TMEM8B: variants seen among roughly 807,000 people sequenced by gnomAD.
TMEM8B encodes transmembrane protein 8B.
In TMEM8B, 29 loss-of-function variants were observed where a neutral mutation model predicts 49.3. The ratio of observed to expected loss-of-function variants is 0.59; its 90% CI spans 0.44 to 0.80. TMEM8B has a LOEUF of 0.80. Ranked by LOEUF, TMEM8B falls within the 30% of genes least tolerant of loss-of-function variation. TMEM8B has a pLI of 0.00. For synonymous variants in TMEM8B, 264 were observed against 272.8 expected, an observed-to-expected ratio of 0.97 and a Z score of 0.32; for missense variants, 575 against 658.5, an observed-to-expected ratio of 0.87 and a Z score of 1.39.
intron 6 of TMEM8B, among the ~76,000 whole-genome samples, chr9:35,844,901 T>C (rs926454295): frequency 6.6e-6 from 1 of 152,172 alleles, no homozygotes; most frequent in African/African-American, 2.4e-5. Context: ...AGGTATTTCC[T>C]CCAAATATTT....
intron 6 of TMEM8B, among the ~76,000 whole-genome samples, chr9:35,843,064 A>G (rs928848679): frequency 1.3e-5 from 2 of 152,096 alleles, no homozygotes; most frequent in African/African-American, 4.8e-5. Context: ...CACACAGTTC[A>G]TGTTTGGATA....
intron 2 of TMEM8B, 24 bp from the exon 3 acceptor site, chr9:35,834,987 C>T: frequency 2.4e-6 from 1 of 415,836 alleles, no homozygotes. Flanking sequence ...CTGCTTTCCT[C>T]CTCTCCTAAT....
At position 35,863,103 on chromosome 9, in the gene TMEM8B, ATGAT is replaced by A. The variant is rs1381259714; in HGVS notation, c.*9266_*9269del. The stretch of plus-strand genomic sequence containing the variant: ...CAGGAGTTCGAGGTTACAGTGAACT[ATGAT>A]TGTGCCACTGCACTCCAGCCTGGGC... On this transcript the variant is annotated 3_prime_UTR_variant, in exon 13 of 13. Coordinates refer to ENST00000643932, the MANE Select transcript of TMEM8B (RefSeq NM_001042590.4). 6.6e-6 allele frequency: 1 copy of A among 152,338 alleles called. No individual in the cohort carries two copies. Among genetic ancestry groups the A allele is most frequent in the Non-Finnish European group, 1.5e-5 (1 of 68,158 alleles). The allele number at this position is 152,338 out of a possible 1,614,324, so 9.4% of individuals were successfully genotyped here.
intron 10 of TMEM8B, 123 bp from the exon 11 acceptor site, chr9:35,852,704 A>C: frequency 8.7e-7 from 1 of 1,148,452 alleles, no homozygotes; most frequent in East Asian, 2.3e-5. Flanking sequence ...AGATCTTCTC[A>C]TCTGTGACCT....
In TMEM8B at chr9:35,841,996, T is replaced by C. The variant is rs1321438595; in HGVS notation, c.1309+202T>C. Reference sequence around the variant, plus strand: ...AGATAATTTTTTTTTTGCATCTGACTTGAGACAACTAAAGGACCTCATTAC... The same window carrying C: ...AGATAATTTTTTTTTTGCATCTGACCTGAGACAACTAAAGGACCTCATTAC... On this transcript the variant is annotated intron_variant, in intron 5 of 12. Transcript: ENST00000643932. The surrounding 1 kb of genome is among the most constrained non-coding windows in gnomAD (Gnocchi z 5.9). Among the ~76,000 whole-genome samples the C allele has an allele frequency of 6.6e-6, 1 of 152,182 alleles. No homozygotes were observed. Among genetic ancestry groups the C allele is most frequent in the Admixed American group, 6.5e-5 (1 of 15,278 alleles).
At chr9:35,852,258 A>C (rs1832205271) in intron 10 of TMEM8B, among the ~76,000 whole-genome samples, 1 of 152,144 alleles carries the variant, frequency 6.6e-6, no homozygotes, top group Admixed American at 6.5e-5. Flanking sequence ...CCATGGTGTG[A>C]AGTGCCATGC....
intron 10 of TMEM8B, among the ~76,000 whole-genome samples, chr9:35,851,242 AC>A (rs1832105834): frequency 1.4e-5 from 1 of 71,434 alleles, no homozygotes; most frequent in African/African-American, 5.4e-5. Context: ...TCTGCCCCCC[AC>A]CCCCGCCAAT....
intron 1 of TMEM8B, among the ~76,000 whole-genome samples, chr9:35,831,871 A>G (rs574821407): frequency 9.9e-4 from 150 of 152,268 alleles, no homozygotes; most frequent in African/African-American, 3.3e-3. Context: ...TTTTGGACCA[A>G]AGTACAGGGT....
chr9:35,845,034 G>A (rs1289700230), intron 6 of TMEM8B, among the ~76,000 whole-genome samples: 2 of 151,988 alleles, frequency 1.3e-5, no homozygotes, highest in Non-Finnish European at 2.9e-5. Flanking sequence ...ATATTGCCCC[G>A]GGCTTGCATT....
intron 3 of TMEM8B, among the ~76,000 whole-genome samples, chr9:35,837,665 C>T (rs1356792443): frequency 1.3e-5 from 2 of 152,230 alleles, no homozygotes. Flanking sequence ...TAGTCCCACA[C>T]TTCTGCCAGA....
In TMEM8B at chr9:35,838,289, G is replaced by T. The variant is rs369087013; in HGVS notation, c.907-2845G>T. Among the ~76,000 whole-genome samples, 76 of 152,190 alleles carry T rather than the reference G, an allele frequency of 5.0e-4. 2 individuals are homozygous for T. In the South Asian group the frequency reaches 0.016, roughly 31 times the overall value. On this transcript the variant is annotated intron_variant, in intron 3 of 12. Coordinates refer to ENST00000643932, the MANE Select transcript of TMEM8B (RefSeq NM_001042590.4). ...CAATTCCCCGCCCCAGAGTTAACTA[G>T]TAACTAGCTGTTAACTAGTCCCCTA...
chr9:35,850,366 AT>A (rs1386443760), intron 10 of TMEM8B, among the ~76,000 whole-genome samples: 8 of 151,732 alleles, frequency 5.3e-5, no homozygotes, highest in East Asian at 1.9e-4. Context: ...TTGTAGTCTA[AT>A]TTTTTTTTCT....
intron 10 of TMEM8B, among the ~76,000 whole-genome samples, chr9:35,851,896 T>A (rs1379475756): frequency 6.6e-6 from 1 of 152,224 alleles, no homozygotes; most frequent in African/African-American, 2.4e-5. Flanking sequence ...AGCGATTTCT[T>A]TTTCATCTTT....
At chr9:35,837,465 C>G (rs996194511) in intron 3 of TMEM8B, among the ~76,000 whole-genome samples, 1 of 152,032 alleles carries the variant, frequency 6.6e-6, no homozygotes, top group African/African-American at 2.4e-5. Flanking sequence ...GTAGCATGGC[C>G]CAAAGTTTAG....
intron 10 of TMEM8B, among the ~76,000 whole-genome samples, chr9:35,850,114 G>A (rs759445901): frequency 2.6e-5 from 4 of 152,316 alleles, no homozygotes; most frequent in Middle Eastern, 3.4e-3. Context: ...AGGAAATAAG[G>A]GAGTAACAGC....
intron 10 of TMEM8B, among the ~76,000 whole-genome samples, chr9:35,850,291 A>G (rs531053261): frequency 6.6e-6 from 1 of 152,246 alleles, no homozygotes; most frequent in Non-Finnish European, 1.5e-5. Flanking sequence ...ACATTGCTTC[A>G]TAAATAATGG....
At chr9:35,830,282 G>A (rs1248887814) in intron 1 of TMEM8B, among the ~76,000 whole-genome samples, 2 of 152,170 alleles carry the variant, frequency 1.3e-5, no homozygotes, top group African/African-American at 4.8e-5. Flanking sequence ...GTTTGATGGG[G>A]GAGAGACAGT....
intron 6 of TMEM8B, among the ~76,000 whole-genome samples, chr9:35,844,320 C>T (rs1230698347): frequency 2.6e-5 from 4 of 152,372 alleles, no homozygotes; most frequent in African/African-American, 7.2e-5. Context: ...TTAGTCATTA[C>T]TGTCAGCGTT....
chr9:35,860,267 G>A lies in TMEM8B; in HGVS notation c.*6427G>A, dbSNP rs1280938283. Reference sequence around the variant, plus strand: ...GGGGTCAGAGGAGACAGCAGAGAAAGATTCATGTTTAAAATGATCGTTTGG... The same window carrying A: ...GGGGTCAGAGGAGACAGCAGAGAAAAATTCATGTTTAAAATGATCGTTTGG... On this transcript the variant is annotated 3_prime_UTR_variant, in exon 13 of 13. Transcript: ENST00000643932. 1 of 152,240 alleles carries A rather than the reference G, an allele frequency of 6.6e-6. No homozygotes were observed. The highest frequency in any genetic ancestry group is 2.4e-5 in the African/African-American group (1 of 41,462). 9.4% of individuals were successfully genotyped at this position (152,240 alleles called of 1,614,324 possible).
Sources: allele counts gnomAD v4.1 joint callset (sites outside exome capture counted in the v4.1 genomes callset), GRCh38; gene constraint gnomAD v4.1.1; non-coding constraint Gnocchi (gnomAD v3.1); transcripts MANE v1.5; gene names NCBI Gene and HGNC (gene_info 2026-07-23, HGNC 2026-07-21).